Variants in ING3 observed in about 807,000 individuals in gnomAD.
ING3 encodes the protein inhibitor of growth family member 3.
In ING3, 6 loss-of-function variants were observed where a neutral mutation model predicts 64.8. The observed-to-expected ratio is 0.09, with a 90% CI of 0.05 to 0.18. The LOEUF (loss-of-function observed/expected upper bound fraction) is 0.18, where lower values mean the gene tolerates loss of function less well. ING3 is among the 10% of genes least tolerant of loss of function. The probability of loss-of-function intolerance (pLI) is 1.00; values close to 1 mark genes in which losing one functional copy is unlikely to be tolerated. For missense variants in ING3, 310 were observed against 489.7 expected, an observed-to-expected ratio of 0.63 and a Z score of 3.46; for synonymous variants, 170 against 173.7, an observed-to-expected ratio of 0.98 and a Z score of 0.17.
At chr7:120,955,897 A>C in intron 4 of ING3, 2 of 567,830 alleles carry the variant, frequency 3.5e-6, no homozygotes, top group Non-Finnish European at 6.2e-6. Flanking sequence ...ACAAGAATTA[A>C]TGTTTAACTT....
Position 120,968,039 on chromosome 7 carries a change from G to C in ING3, c.662G>C (p.Gly221Ala). ...ATTGGCTCGTTATCTTCAGGAACTG[G>C]TGCAGGGGCAATTACCATGGCAGCT... ...YNIGSLSSGT[G>A]AGAITMAAAQ... Residue 221 changes from glycine (G) to alanine (A), a missense_variant, in exon 8 of 12, where the codon GGT becomes GCT. Gly to Ala is a moderately conservative substitution (Grantham distance 60). Around this residue, in one of 3 missense-constraint regions of ING3, gnomAD observed 233 missense variants for 289.4 expected, o/e 0.81. Coordinates refer to ENST00000315870, the MANE Select transcript of ING3 (RefSeq NM_019071.3). 6.2e-7 allele frequency: 1 copy of C among 1,614,084 alleles called. No individual in the cohort carries two copies. The highest frequency in any genetic ancestry group is 8.5e-7 in the Non-Finnish European group (1 of 1,180,024).
At chr7:120,973,287 G>C (rs1371954062) in intron 11 of ING3, 44 bp downstream of exon 11, 1 of 1,252,996 alleles carries the variant, frequency 8.0e-7, no homozygotes, top group South Asian at 1.2e-5. Flanking sequence ...AAAATCACAG[G>C]TTGTTATTAC....
intron 4 of ING3, among the ~76,000 whole-genome samples, chr7:120,964,191 T>C (rs547116958): frequency 2.0e-5 from 3 of 152,302 alleles, no homozygotes; most frequent in East Asian, 3.9e-4. Flanking sequence ...ACAATCCCTT[T>C]TGTTTCACCT....
At chr7:120,968,944 G>T in intron 8 of ING3, 67 bp from the exon 9 acceptor site, 36 of 863,746 alleles carry the variant, frequency 4.2e-5, no homozygotes, top group East Asian at 1.2e-4. Flanking sequence ...ACTATAATTT[G>T]TAAAACTTGA....
At chr7:120,970,006 T>C (rs921173330) in intron 9 of ING3, among the ~76,000 whole-genome samples, 6 of 152,200 alleles carry the variant, frequency 3.9e-5, no homozygotes, top group Non-Finnish European at 7.4e-5. Context: ...TTAAATAGCA[T>C]AGGGCTTAGC....
At chr7:120,973,980 T>C (rs1421871941) in intron 11 of ING3, among the ~76,000 whole-genome samples, 1 of 152,184 alleles carries the variant, frequency 6.6e-6, no homozygotes, top group Non-Finnish European at 1.5e-5. Context: ...TACAGCAACA[T>C]GCTCACGTAG....
In ING3 at chr7:120,951,252, A is replaced by C. The variant is rs367660853; in HGVS notation, c.100+17A>C. On this transcript the variant is annotated intron_variant, in intron 2 of 11. Transcript: ENST00000315870. ...AGGTGCAGAGTAAGTCGGCGCGTCT[A>C]CTACTCCTGTTCGCTGCGCGCGTTC... 1 of 1,613,246 alleles carries C rather than the reference A, an allele frequency of 6.2e-7. No individual in the cohort carries two copies. The highest frequency in any genetic ancestry group is 8.5e-7 in the Non-Finnish European group (1 of 1,179,268).
chr7:120,965,055 A>T (rs1795980132), intron 5 of ING3, among the ~76,000 whole-genome samples: 1 of 152,216 alleles, frequency 6.6e-6, no homozygotes, highest in Admixed American at 6.5e-5. Context: ...GAAACAACAT[A>T]TTAAATCATT....
chr7:120,970,849 C>T lies in ING3; in HGVS notation c.1070C>T (p.Pro357Leu). The change falls in exon 10 of 12, where the codon CCA (proline) becomes CTA (leucine). Residue 357 changes from proline (P) to leucine (L), a missense_variant. Coordinates refer to ENST00000315870, the MANE Select transcript of ING3 (RefSeq NM_019071.3). ...SNSQVDWTYD[P>L]NEPRYCICNQ... ...AGTCAGGTTGATTGGACTTACGACC[C>T]AAATGAACCTCGATACTGCATTTGT... 6.2e-7 allele frequency: 1 copy of T among 1,606,882 alleles called. No individual in the cohort carries two copies.
intron 5 of ING3, 88 bp from the exon 6 acceptor site, chr7:120,966,538 A>G (rs750719797): frequency 1.1e-5 from 11 of 962,666 alleles, no homozygotes; most frequent in Non-Finnish European, 1.9e-5. Context: ...CTGCTGGGTA[A>G]GGGAACTCAT....
rs1002468554 is a variant in ING3, at chr7:120,976,676, A to G, written c.*1832A>G. 6.6e-6 allele frequency: 1 copy of G among 152,202 alleles called. No homozygotes were observed. 9.4% of individuals were successfully genotyped at this position (152,202 alleles called of 1,614,324 possible). A position where few individuals can be genotyped will look rare whatever the true frequency, so the allele number is the denominator to read the frequency against. ...ACTCATTCATTTTATAGAAATGGTC[A>G]AAGGAAAAAGCCTTATGTACAGCCT... On this transcript the variant is annotated 3_prime_UTR_variant, in exon 12 of 12. Coordinates refer to ENST00000315870, the MANE Select transcript of ING3 (RefSeq NM_019071.3).
chr7:120,971,043 G>A (rs181865120), intron 10 of ING3, 163 bp downstream of exon 10: 12 of 787,216 alleles, frequency 1.5e-5, no homozygotes, highest in Admixed American at 8.5e-5. Context: ...TAAATACTGA[G>A]TATAAAGAAA....
At chr7:120,959,939 C>T (rs1483440307) in intron 4 of ING3, among the ~76,000 whole-genome samples, 1 of 152,128 alleles carries the variant, frequency 6.6e-6, no homozygotes, top group Admixed American at 6.5e-5. Flanking sequence ...GCCACCACAC[C>T]TGGCCTGGCA....
chr7:120,960,672 T>C (rs995616206), intron 4 of ING3, among the ~76,000 whole-genome samples: 8 of 152,202 alleles, frequency 5.3e-5, no homozygotes, highest in African/African-American at 1.9e-4. Flanking sequence ...CTACATATTA[T>C]CAACATATTA....
intron 9 of ING3, 94 bp downstream of exon 9, chr7:120,969,298 T>A: frequency 1.1e-6 from 1 of 887,180 alleles, no homozygotes; most frequent in Non-Finnish European, 1.6e-6. Flanking sequence ...AGGCAGGATA[T>A]AACGGATTAA....
intron 4 of ING3, chr7:120,957,033 T>C: frequency 3.7e-6 from 1 of 270,444 alleles, no homozygotes; most frequent in Non-Finnish European, 5.7e-6. Flanking sequence ...ATCCACTCTG[T>C]GCCTGAAAAA....
chr7:120,976,310 A>C lies in ING3; in HGVS notation c.*1466A>C, dbSNP rs1796133188. ...ACCACTTATGAGCTTCTTAGAACTT[A>C]TTCAGATAACAGTGTAAAATCTATG... On this transcript the variant is annotated 3_prime_UTR_variant, in exon 12 of 12. Coordinates refer to ENST00000315870, the MANE Select transcript of ING3 (RefSeq NM_019071.3). 1 of 152,162 alleles carries C rather than the reference A, an allele frequency of 6.6e-6. No individual in the cohort carries two copies. 9.4% of individuals were successfully genotyped at this position (152,162 alleles called of 1,614,324 possible). A position where few individuals can be genotyped will look rare whatever the true frequency, so the allele number is the denominator to read the frequency against.
In ING3 at chr7:120,969,135, C is replaced by T; in HGVS notation, c.839C>T (p.Ala280Val). Residue 280 changes from alanine (A) to valine (V), a missense_variant, in exon 9 of 12, where the codon GCA (alanine) becomes GTA (valine). Around this residue, in one of 3 missense-constraint regions of ING3, gnomAD observed 233 missense variants for 289.4 expected, o/e 0.81. Transcript: ENST00000315870. ...RETVGYSSSS[A>V]LMTTLTQNAS... ...ACAGTTGGCTATTCATCATCTTCGG[C>T]ACTTATGACAACATTAACACAGAAT... is the stretch of plus-strand genomic sequence containing the variant. The T allele has an allele frequency of 6.2e-7, 1 of 1,614,046 alleles. No individual in the cohort carries two copies. Among genetic ancestry groups the T allele is most frequent in the Middle Eastern group, 1.6e-4 (1 of 6,062 alleles).
chr7:120,976,290 T>C lies in ING3; in HGVS notation c.*1446T>C, dbSNP rs568971908. 1 of 152,318 alleles carries C rather than the reference T, an allele frequency of 6.6e-6. No individual in the cohort carries two copies. The highest frequency in any genetic ancestry group is 2.1e-4 in the South Asian group (1 of 4,826). 9.4% of individuals were successfully genotyped at this position (152,318 alleles called of 1,614,324 possible). ...CAGATTTCTGCTTTAATTAAACCAC[T>C]TATGAGCTTCTTAGAACTTATTCAG... On this transcript the variant is annotated 3_prime_UTR_variant, in exon 12 of 12. Transcript: ENST00000315870.
Sources: allele counts gnomAD v4.1 joint callset (sites outside exome capture counted in the v4.1 genomes callset), GRCh38; gene constraint gnomAD v4.1.1; regional missense constraint gnomAD v4.1.1; transcripts MANE v1.5; gene names NCBI Gene and HGNC (gene_info 2026-07-23, HGNC 2026-07-21).